The following GSE1 variants were observed in gnomAD, a reference collection of about 807,000 sequenced individuals.
The protein encoded by GSE1 is genetic suppressor element 1.
GSE1 carries 32 observed loss-of-function variants against 112.6 expected under a neutral mutation model. That is an observed-to-expected ratio of 0.28 (90% CI 0.21 to 0.38). GSE1 has a LOEUF of 0.38. Among genes scored for constraint, GSE1 ranks in the 10% least tolerant of loss-of-function variants. The probability of loss-of-function intolerance (pLI) is 1.00; values close to 1 mark genes in which losing one functional copy is unlikely to be tolerated. For synonymous variants in GSE1, 1,115 were observed against 735.6 expected, an observed-to-expected ratio of 1.52 and a Z score of -8.35; for missense variants, 2,348 against 1,699.2, an observed-to-expected ratio of 1.38 and a Z score of -6.71.
intron 1 of GSE1, among the ~76,000 whole-genome samples, chr16:85,331,681 G>GTGTGTC (rs2046369541): frequency 4.2e-5 from 2 of 48,166 alleles, no homozygotes; most frequent in African/African-American, 8.6e-5. Flanking sequence ...GTGTGTGTGT[G>GTGTGTC]TGTGTATATA....
intron 7 of GSE1, 115 bp downstream of exon 7, chr16:85,656,780 C>G (rs768277022): frequency 2.8e-5 from 39 of 1,379,996 alleles, no homozygotes; most frequent in Non-Finnish European, 3.5e-5. Flanking sequence ...GCTGAGTTCG[C>G]CCTAAAAGCG....
chr16:85,541,348 C>G (rs111544521), intron 2 of GSE1, among the ~76,000 whole-genome samples: 23 of 152,350 alleles, frequency 1.5e-4, no homozygotes, highest in Middle Eastern at 3.4e-3. Context: ...GGGACTTTCT[C>G]CACTGTGCCC....
chr16:85,338,460 G>A (rs1227399140), intron 1 of GSE1, among the ~76,000 whole-genome samples: 1 of 152,170 alleles, frequency 6.6e-6, no homozygotes, highest in Admixed American at 6.5e-5. Flanking sequence ...CCCTGCCTCA[G>A]TCTCCCCCTC....
At chr16:85,640,913 G>A (rs1450772567) in intron 2 of GSE1, among the ~76,000 whole-genome samples, 1 of 151,932 alleles carries the variant, frequency 6.6e-6, no homozygotes, top group Non-Finnish European at 1.5e-5. Context: ...GGGCCAGAGG[G>A]CTGGTGGTCA....
intron 1 of GSE1, among the ~76,000 whole-genome samples, chr16:85,256,769 C>T (rs1567643231): frequency 6.6e-6 from 1 of 152,376 alleles, no homozygotes; most frequent in Non-Finnish European, 1.5e-5. Flanking sequence ...GGCCTCAGGA[C>T]ACACTTGTGG....
chr16:85,380,407 G>A (rs1166511792), intron 2 of GSE1, among the ~76,000 whole-genome samples: 3 of 152,184 alleles, frequency 2.0e-5, no homozygotes, highest in African/African-American at 7.2e-5. Flanking sequence ...AATCCTCCCT[G>A]AGCCCTTGGC....
chr16:85,246,233 ACACACG>A (rs1346898891), intron 1 of GSE1, among the ~76,000 whole-genome samples: 13 of 134,382 alleles, frequency 9.7e-5, no homozygotes, highest in African/African-American at 2.5e-4. Context: ...ACACACACAC[ACACACG>A]CACACCACAC....
At chr16:85,357,429 C>T in intron 1 of GSE1, 3 of 1,173,778 alleles carry the variant, frequency 2.6e-6, no homozygotes, top group Non-Finnish European at 2.2e-6. Context: ...CAGGCATGGC[C>T]CAGGCTCACT....
At position 85,563,339 on chromosome 16, in the gene GSE1, GA is replaced by G. The variant is rs1016833127; in HGVS notation, c.37+6984del. Among the ~76,000 whole-genome samples, 106 of 151,740 alleles carry G rather than the reference GA, an allele frequency of 7.0e-4. 1 individual carries two copies. The highest frequency in any genetic ancestry group is 2.4e-3 in the African/African-American group (100 of 41,424). The stretch of plus-strand genomic sequence containing the variant: ...GTGCTGTGAAAGCTTGGGGTAAAAG[GA>G]AAAAAAATCAGTGAGAATTTTCTTA... On this transcript the variant is annotated intron_variant, in intron 1 of 2. Coordinates refer to the GSE1 transcript ENST00000635906.
chr16:85,390,343 C>G (rs140166207), intron 2 of GSE1, among the ~76,000 whole-genome samples: 1 of 151,988 alleles, frequency 6.6e-6, no homozygotes, highest in African/African-American at 2.4e-5. Context: ...ACGGGGCCTC[C>G]TTTGCTTTCT....
chr16:85,206,123 C>G (rs2075110537), intron 1 of GSE1, among the ~76,000 whole-genome samples: 2 of 151,154 alleles, frequency 1.3e-5, no homozygotes, highest in African/African-American at 4.9e-5. Context: ...GGGGTGCTGG[C>G]TGATCCCAGT....
chr16:85,300,884 C>T (rs2045504679), intron 1 of GSE1, among the ~76,000 whole-genome samples: 1 of 152,356 alleles, frequency 6.6e-6, no homozygotes, highest in South Asian at 2.1e-4. Context: ...ATACCTTGAA[C>T]CCGCCAGCCA....
In GSE1 at chr16:85,189,886, G is replaced by A. The variant is rs114737439; in HGVS notation, c.2283+18079G>A. On this transcript the variant is annotated intron_variant, in intron 1 of 2. Coordinates refer to the GSE1 transcript ENST00000637419. The stretch of plus-strand genomic sequence containing the variant: ...GTCCCCCCTTTCATTCCTGATATTG[G>A]TGCCTACTCTTTTCTTAACCAGTAT... Among the ~76,000 whole-genome samples, 4 of 152,084 alleles carry A rather than the reference G, an allele frequency of 2.6e-5. No individual in the cohort carries two copies. The South Asian group carries it at 8.3e-4, about 32-fold the overall frequency.
chr16:85,585,614 C>T (rs2046656039), intron 1 of GSE1, among the ~76,000 whole-genome samples: 1 of 152,196 alleles, frequency 6.6e-6, no homozygotes, highest in African/African-American at 2.4e-5. Context: ...AGTCTAGACC[C>T]CTCCCATCAT....
chr16:85,191,576 C>T (rs1227107251), intron 1 of GSE1, among the ~76,000 whole-genome samples: 1 of 152,186 alleles, frequency 6.6e-6, no homozygotes, highest in Non-Finnish European at 1.5e-5. Flanking sequence ...GTTTCCCCCT[C>T]GGCATGTTCA....
In GSE1 at chr16:85,170,805, C is replaced by T. The variant is rs1027165185; in HGVS notation, c.1281C>T (p.Ser427=). Reference sequence around the variant, plus strand: ...CCTTGGTGTGCGCCAGCTGCTTCTCCTCCCTCACGCAGCAGTGGCAGAGCT... The same window carrying T: ...CCTTGGTGTGCGCCAGCTGCTTCTCTTCCCTCACGCAGCAGTGGCAGAGCT... The change falls in exon 1 of 3, where the codon TCC becomes TCT. Residue 427 remains serine, a synonymous_variant. Coordinates refer to the GSE1 transcript ENST00000637419. The T allele has an allele frequency of 3.0e-6, 3 of 985,454 alleles. No individual in the cohort carries two copies. The African/African-American group carries it at 5.2e-5, about 17-fold the overall frequency. The allele number at this position is 985,454 out of a possible 1,614,324, so 61.0% of individuals were successfully genotyped here. A position where few individuals can be genotyped will look rare whatever the true frequency, so the allele number is the denominator to read the frequency against.
chr16:85,655,163 CATT>C (rs2051811866), intron 5 of GSE1, among the ~76,000 whole-genome samples, 172 bp downstream of exon 5: 1 of 152,198 alleles, frequency 6.6e-6, no homozygotes, highest in African/African-American at 2.4e-5. Context: ...CCTGATGGCC[CATT>C]AGGGGTCCCC....
intron 1 of GSE1, among the ~76,000 whole-genome samples, chr16:85,230,070 C>T (rs180856091): frequency 3.0e-4 from 45 of 152,322 alleles, no homozygotes; most frequent in African/African-American, 1.0e-3. Context: ...ATGGCTGCTG[C>T]GTGGGCAGCT....
intron 2 of GSE1, among the ~76,000 whole-genome samples, chr16:85,498,601 A>G (rs2051260313): frequency 6.6e-6 from 1 of 152,222 alleles, no homozygotes; most frequent in Non-Finnish European, 1.5e-5. Flanking sequence ...ACACATGTGT[A>G]TATATGTACA....
Sources: gnomAD v4.1 joint callset for allele counts (sites outside exome capture counted in the v4.1 genomes callset) on GRCh38, gnomAD v4.1.1 for gene constraint, MANE v1.5 for transcripts, NCBI Gene and HGNC (gene_info 2026-07-23, HGNC 2026-07-21) for gene names.